Variants in FRMD4A observed in about 807,000 individuals in gnomAD.
The protein encoded by FRMD4A is FERM domain containing 4A.
A neutral mutation model predicts 129.1 loss-of-function variants in FRMD4A; 29 were observed. The ratio of observed to expected loss-of-function variants is 0.22; its 90% CI spans 0.17 to 0.31. FRMD4A has a LOEUF of 0.31. Among genes scored for constraint, FRMD4A ranks in the 10% least tolerant of loss-of-function variants. The probability of loss-of-function intolerance (pLI) is 1.00; values close to 1 mark genes in which losing one functional copy is unlikely to be tolerated. For missense variants in FRMD4A, 1,272 were observed against 1,375.8 expected, an observed-to-expected ratio of 0.92 and a Z score of 1.19; for synonymous variants, 634 against 571.6, an observed-to-expected ratio of 1.11 and a Z score of -1.56.
intron 2 of FRMD4A, among the ~76,000 whole-genome samples, chr10:14,118,031 T>A (rs1465130411): frequency 1.3e-5 from 2 of 152,126 alleles, no homozygotes; most frequent in African/African-American, 4.8e-5. Flanking sequence ...GAGGATGGGG[T>A]GAGGCCTGGA....
At chr10:13,897,424 G>A (rs2131181592) in intron 2 of FRMD4A, among the ~76,000 whole-genome samples, 1 of 152,260 alleles carries the variant, frequency 6.6e-6, no homozygotes, top group East Asian at 1.9e-4. Flanking sequence ...GAGAGGAGAG[G>A]TGCTCTGAGG....
chr10:13,659,372 A>T lies in FRMD4A; in HGVS notation c.2017T>A (p.Ser673Thr). 6.2e-7 allele frequency: 1 copy of T among 1,614,146 alleles called. No individual in the cohort carries two copies. Among genetic ancestry groups the T allele is most frequent in the Non-Finnish European group, 8.5e-7 (1 of 1,179,984 alleles). The change falls in exon 21 of 25, where the codon TCC becomes ACC. Residue 673 changes from serine to threonine, a missense_variant. By Grantham distance (58) the Ser-to-Thr change is moderately conservative (BLOSUM62 1). This residue lies in a region of FRMD4A where 972 missense variants were observed against 892.3 expected (regional missense o/e 1.09). Coordinates refer to ENST00000357447, the MANE Select transcript of FRMD4A (RefSeq NM_018027.5). The stretch of plus-strand genomic sequence containing the variant: ...CTCCGGACCCGCAGGTCTGGCGTGG[A>T]CGGCATGCTGGACTGGGAGTTCCAG... ...PHWNSQSSMP[S>T]TPDLRVRSPH...
At chr10:13,966,081 C>T (rs1006264127) in intron 2 of FRMD4A, among the ~76,000 whole-genome samples, 2 of 152,062 alleles carry the variant, frequency 1.3e-5, no homozygotes, top group Non-Finnish European at 2.9e-5. Context: ...GCCATCTTGG[C>T]TCACTGCGAC....
intron 2 of FRMD4A, among the ~76,000 whole-genome samples, chr10:13,945,965 A>G (rs575974705): frequency 5.9e-5 from 9 of 152,358 alleles, no homozygotes; most frequent in Admixed American, 2.6e-4. Flanking sequence ...GAGCACAGGC[A>G]TTATTTACAC....
chr10:14,023,182 G>A (rs1377110305), intron 2 of FRMD4A, among the ~76,000 whole-genome samples: 1 of 152,142 alleles, frequency 6.6e-6, no homozygotes, highest in Non-Finnish European at 1.5e-5. Flanking sequence ...CCTTCTGGAC[G>A]CATTCCTCCT....
At chr10:13,671,251 C>T (rs373255978) in intron 16 of FRMD4A, among the ~76,000 whole-genome samples, 29 of 152,126 alleles carry the variant, frequency 1.9e-4, no homozygotes, top group Middle Eastern at 6.8e-3. Flanking sequence ...ATCAGGAGTC[C>T]GAGACCAGCC....
intron 2 of FRMD4A, among the ~76,000 whole-genome samples, chr10:14,055,459 ACAAACACACAC>A (rs1565216230): frequency 0.5 from 55,468 of 110,124 alleles, 12,084 homozygotes; most frequent in Non-Finnish European, 0.63. Context: ...ACACACACAC[ACAAACACACAC>A]ACACACACAC....
intron 3 of FRMD4A, among the ~76,000 whole-genome samples, chr10:13,837,052 C>T (rs1391387996): frequency 2.6e-5 from 4 of 151,968 alleles, no homozygotes; most frequent in African/African-American, 9.7e-5. Context: ...CCACCGCACC[C>T]GGCCGGTTCC....
chr10:13,997,233 G>A (rs778316305), intron 2 of FRMD4A, among the ~76,000 whole-genome samples: 36 of 152,136 alleles, frequency 2.4e-4, no homozygotes, highest in Middle Eastern at 3.4e-3. Flanking sequence ...CTGAAGGGAG[G>A]GATATTTAAA....
rs58484817 is a variant in FRMD4A, at chr10:14,294,198, C to T, written c.45+35860G>A. ...TATTGATGTTTATTTTATTCTTCTT[C>T]TTTATACTAGCCATATGTTTGATAT... On this transcript the variant is annotated intron_variant, in intron 2 of 24. Coordinates refer to ENST00000357447, the MANE Select transcript of FRMD4A (RefSeq NM_018027.5). Among the ~76,000 whole-genome samples, 488 of 152,226 alleles carry T rather than the reference C, an allele frequency of 3.2e-3. 2 individuals carry two copies. Among genetic ancestry groups the T allele is most frequent in the African/African-American group, 0.011 (447 of 41,524 alleles).
At chr10:13,929,039 C>T (rs1027285288) in intron 2 of FRMD4A, among the ~76,000 whole-genome samples, 15 of 152,300 alleles carry the variant, frequency 9.8e-5, no homozygotes, top group African/African-American at 2.4e-4. Context: ...TTTCTTTTTG[C>T]GCCAAACCAT....
chr10:14,164,181 C>CT (rs1841048825), intron 2 of FRMD4A, among the ~76,000 whole-genome samples: 1 of 152,250 alleles, frequency 6.6e-6, no homozygotes, highest in Non-Finnish European at 1.5e-5. Context: ...GTTTCTAGGT[C>CT]TTTCGTCTAC....
chr10:13,897,876 T>G (rs954013182), intron 2 of FRMD4A, among the ~76,000 whole-genome samples: 101 of 145,476 alleles, frequency 6.9e-4, no homozygotes, highest in South Asian at 1.7e-3. Context: ...AGGCGGAGGC[T>G]GCAGTGAGCT....
intron 2 of FRMD4A, among the ~76,000 whole-genome samples, chr10:14,282,868 C>G (rs1589262376): frequency 6.6e-6 from 1 of 152,160 alleles, no homozygotes; most frequent in Non-Finnish European, 1.5e-5. Context: ...CTCTGAGGGA[C>G]ACCTTATTAC....
At chr10:13,904,204 G>A (rs956270494) in intron 2 of FRMD4A, among the ~76,000 whole-genome samples, 1 of 151,654 alleles carries the variant, frequency 6.6e-6, no homozygotes, top group Non-Finnish European at 1.5e-5. Flanking sequence ...TGCCTGTCTG[G>A]CCTCACCAAC....
chr10:13,738,354 C>T (rs2090772522), intron 11 of FRMD4A, among the ~76,000 whole-genome samples: 3 of 152,162 alleles, frequency 2.0e-5, no homozygotes, highest in African/African-American at 4.8e-5. Flanking sequence ...AAACTGTCAT[C>T]GATGGTCAGA....
chr10:13,857,201 T>A (rs76921577), intron 3 of FRMD4A, among the ~76,000 whole-genome samples: 19 of 152,262 alleles, frequency 1.2e-4, no homozygotes, highest in East Asian at 1.2e-3. Flanking sequence ...GGTAAAATTT[T>A]TTTTTTTAAA....
At chr10:14,041,548 C>G (rs573529186) in intron 2 of FRMD4A, among the ~76,000 whole-genome samples, 1 of 152,318 alleles carries the variant, frequency 6.6e-6, no homozygotes, top group African/African-American at 2.4e-5. Context: ...AGTTCTGCGT[C>G]TAGGCGTATA....
At chr10:14,278,114 A>C (rs1192931589) in intron 2 of FRMD4A, among the ~76,000 whole-genome samples, 1 of 152,010 alleles carries the variant, frequency 6.6e-6, no homozygotes, top group African/African-American at 2.4e-5. Flanking sequence ...CTACATTTCT[A>C]ATCTGTTGGG....
Sources: gnomAD v4.1 joint callset for allele counts (sites outside exome capture counted in the v4.1 genomes callset) on GRCh38, gnomAD v4.1.1 for gene constraint, gnomAD v4.1.1 regional missense constraint, MANE v1.5 for transcripts, NCBI Gene and HGNC (gene_info 2026-07-23, HGNC 2026-07-21) for gene names.